The following ZNF385B variants were observed in gnomAD, a reference collection of about 807,000 sequenced individuals.
The protein encoded by ZNF385B is zinc finger protein 533.
In ZNF385B, 23 loss-of-function variants were observed where a neutral mutation model predicts 39.2. The ratio of observed to expected loss-of-function variants is 0.59; its 90% CI spans 0.42 to 0.83. ZNF385B has a LOEUF of 0.83. Ranked by LOEUF, ZNF385B falls within the 40% of genes least tolerant of loss-of-function variation. ZNF385B has a pLI of 0.00. For missense variants in ZNF385B, 552 were observed against 598.9 expected (o/e 0.92, Z 0.82); for synonymous variants, 205 against 222.6 (o/e 0.92, Z 0.70).
chr2:179,603,212 T>C (rs184254219), intron 3 of ZNF385B, among the ~76,000 whole-genome samples: 228 of 152,282 alleles, frequency 1.5e-3, no homozygotes, highest in African/African-American at 5.2e-3. Context: ...CACATCAGTC[T>C]ATCTAAGCCA....
intron 4 of ZNF385B, among the ~76,000 whole-genome samples, chr2:179,540,609 T>C (rs972666241): frequency 6.6e-6 from 1 of 151,922 alleles, no homozygotes; most frequent in African/African-American, 2.4e-5. Context: ...GATGGGGGAG[T>C]ATGAACATTG....
At chr2:179,780,893 G>A (rs936591555) in intron 1 of ZNF385B, among the ~76,000 whole-genome samples, 4 of 152,104 alleles carry the variant, frequency 2.6e-5, no homozygotes, top group African/African-American at 4.8e-5. Context: ...ACTTACACAG[G>A]CTAGTCAAAT....
chr2:179,529,355 G>C (rs565086412), intron 4 of ZNF385B, among the ~76,000 whole-genome samples: 2 of 152,218 alleles, frequency 1.3e-5, no homozygotes, highest in East Asian at 3.9e-4. Context: ...AGATATGACT[G>C]GAAATCTTTA....
At chr2:179,488,649 T>C (rs1426163442) in intron 5 of ZNF385B, among the ~76,000 whole-genome samples, 1 of 152,162 alleles carries the variant, frequency 6.6e-6, no homozygotes, top group Admixed American at 6.5e-5. Context: ...AAAAAGTAAT[T>C]AGAACTGTTC....
At chr2:179,566,353 A>T (rs1269954796) in intron 3 of ZNF385B, among the ~76,000 whole-genome samples, 1 of 152,252 alleles carries the variant, frequency 6.6e-6, no homozygotes, top group Non-Finnish European at 1.5e-5. Flanking sequence ...TGTAAGATAC[A>T]GCATTGCATT....
intron 3 of ZNF385B, among the ~76,000 whole-genome samples, chr2:179,550,537 T>A (rs898979889): frequency 2.0e-5 from 3 of 150,024 alleles, no homozygotes; most frequent in African/African-American, 7.5e-5. Flanking sequence ...CATTAGCATT[T>A]TAATGACAGA....
chr2:179,675,621 G>A (rs1165857059), intron 3 of ZNF385B, among the ~76,000 whole-genome samples: 2 of 152,082 alleles, frequency 1.3e-5, no homozygotes, highest in African/African-American at 4.8e-5. Context: ...GGAAACAGGT[G>A]GAGTAAGGCA....
intron 6 of ZNF385B, among the ~76,000 whole-genome samples, chr2:179,478,150 C>G (rs2053624597): frequency 6.6e-6 from 1 of 152,170 alleles, no homozygotes; most frequent in Non-Finnish European, 1.5e-5. Flanking sequence ...AACCACCTAA[C>G]CTTCCCATAA....
chr2:179,448,588 C>T (rs780129701), intron 6 of ZNF385B, among the ~76,000 whole-genome samples: 4 of 152,118 alleles, frequency 2.6e-5, no homozygotes, highest in Admixed American at 2.6e-4. Flanking sequence ...AAAGTGCTAT[C>T]ACTTACATTG....
At chr2:179,504,857 A>T (rs2057109972) in intron 5 of ZNF385B, among the ~76,000 whole-genome samples, 1 of 151,816 alleles carries the variant, frequency 6.6e-6, no homozygotes, top group Non-Finnish European at 1.5e-5. Flanking sequence ...ACTCAGTATC[A>T]TGAGGACAGC....
At chr2:179,557,865 C>A (rs1358944363) in intron 3 of ZNF385B, among the ~76,000 whole-genome samples, 1 of 151,898 alleles carries the variant, frequency 6.6e-6, no homozygotes, top group East Asian at 1.9e-4. Flanking sequence ...ACCCTTGTCC[C>A]CCTCACTCCC....
intron 3 of ZNF385B, among the ~76,000 whole-genome samples, chr2:179,709,271 C>A (rs904967315): frequency 6.6e-6 from 1 of 152,200 alleles, no homozygotes; most frequent in African/African-American, 2.4e-5. Context: ...TTCCAGCTTA[C>A]AAACTGCAGC....
intron 3 of ZNF385B, among the ~76,000 whole-genome samples, chr2:179,578,620 A>G (rs17817559): frequency 0.1 from 15,940 of 152,110 alleles, 1,089 homozygotes; most frequent in Non-Finnish European, 0.15. Context: ...AGTCATTTGC[A>G]TTATTAATTG....
intron 3 of ZNF385B, among the ~76,000 whole-genome samples, chr2:179,761,286 G>C (rs923481210): frequency 6.6e-6 from 1 of 152,110 alleles, no homozygotes; most frequent in African/African-American, 2.4e-5. Context: ...AAAAGAACTT[G>C]CTGGGATTTT....
intron 3 of ZNF385B, chr2:179,562,566 AT>A: frequency 2.0e-6 from 2 of 985,362 alleles, no homozygotes; most frequent in Non-Finnish European, 2.4e-6. Context: ...ACGTCCTGTA[AT>A]TGCCGCTTAG....
At chr2:179,714,770 A>C (rs1311271260) in intron 3 of ZNF385B, among the ~76,000 whole-genome samples, 1 of 151,700 alleles carries the variant, frequency 6.6e-6, no homozygotes, top group African/African-American at 2.4e-5. Context: ...ACATGGTGAA[A>C]ACCTATCTCT....
chr2:179,792,415 C>T (rs1240450495), intron 1 of ZNF385B, among the ~76,000 whole-genome samples: 2 of 114,286 alleles, frequency 1.7e-5, no homozygotes, highest in Non-Finnish European at 1.8e-5. Flanking sequence ...GCTCTTGTTG[C>T]CCAGGCTGGA....
chr2:179,691,477 A>C (rs1334215142), intron 3 of ZNF385B, among the ~76,000 whole-genome samples: 1 of 152,214 alleles, frequency 6.6e-6, no homozygotes. Context: ...ATAAATATTT[A>C]CCAAATGCTA....
At chr2:179,468,639 G>A (rs891320757) in intron 6 of ZNF385B, among the ~76,000 whole-genome samples, 6 of 152,194 alleles carry the variant, frequency 3.9e-5, no homozygotes, top group Admixed American at 2.6e-4. Context: ...ATTTGAATTC[G>A]GGTCTCCTCA....
Sources: allele counts gnomAD v4.1 joint callset (sites outside exome capture counted in the v4.1 genomes callset), GRCh38; gene constraint gnomAD v4.1.1; transcripts MANE v1.5; gene names NCBI Gene and HGNC (gene_info 2026-07-23, HGNC 2026-07-21).